Variants in KIAA0586 observed in about 807,000 individuals in gnomAD.
KIAA0586 encodes KIAA0586, also known as protein TALPID3.
In KIAA0586, 144 loss-of-function variants were observed where a neutral mutation model predicts 169.8. The observed-to-expected ratio is 0.85, with a 90% CI of 0.74 to 0.97. KIAA0586 has a LOEUF of 0.97. KIAA0586 is among the 50% of genes least tolerant of loss of function. The probability of loss-of-function intolerance (pLI) is 0.00; values close to 1 mark genes in which losing one functional copy is unlikely to be tolerated. For synonymous variants in KIAA0586, 625 were observed against 612.4 expected, an observed-to-expected ratio of 1.02 and a Z score of -0.30; for missense variants, 1,854 against 1,823.0, an observed-to-expected ratio of 1.02 and a Z score of -0.31.
the KIAA0586 span, among the ~76,000 whole-genome samples, chr14:58,560,157 A>AAG: frequency 6.6e-6 from 1 of 151,834 alleles, no homozygotes; most frequent in African/African-American, 2.4e-5. Context: ...TCTCAAAAAA[A>AAG]AAAAAAAAAA....
At chr14:58,524,813 T>C (rs2045467396) in intron 29 of KIAA0586, among the ~76,000 whole-genome samples, 1 of 152,200 alleles carries the variant, frequency 6.6e-6, no homozygotes, top group Non-Finnish European at 1.5e-5. Flanking sequence ...CCTCCCAGGT[T>C]CAAGTGATTT....
intron 10 of KIAA0586, 89 bp from the exon 11 acceptor site, chr14:58,457,670 T>C (rs918965901): frequency 3.9e-6 from 3 of 763,454 alleles, no homozygotes; most frequent in East Asian, 2.7e-5. Flanking sequence ...ATTGGTATAA[T>C]GTATGGCCTC....
intron 21 of KIAA0586, among the ~76,000 whole-genome samples, chr14:58,484,928 T>A (rs1209646885): frequency 0.019 from 200 of 10,580 alleles, no homozygotes; most frequent in Non-Finnish European, 0.035. Flanking sequence ...ATATATATTT[T>A]TTTTTTTTTT....
At chr14:58,483,299 A>G (rs1228274086) in intron 21 of KIAA0586, among the ~76,000 whole-genome samples, 1 of 152,198 alleles carries the variant, frequency 6.6e-6, no homozygotes. Context: ...AGGGTCATTC[A>G]TATTTATTGA....
At chr14:58,529,895 TAGGA>T (rs770773240) in intron 29 of KIAA0586, among the ~76,000 whole-genome samples, 15 of 152,092 alleles carry the variant, frequency 9.9e-5, no homozygotes, top group Non-Finnish European at 1.5e-4. Context: ...CATATTCAAA[TAGGA>T]AGGGAGGAAG....
chr14:58,492,372 G>T (rs1041521452), intron 26 of KIAA0586, 97 bp downstream of exon 26: 37 of 1,087,342 alleles, frequency 3.4e-5, no homozygotes, highest in African/African-American at 2.4e-4. Flanking sequence ...TAGTATTTTG[G>T]TTTTTTCAAG....
At chr14:58,547,428 A>G (rs2047050807) in intron 30 of KIAA0586, among the ~76,000 whole-genome samples, 1 of 152,166 alleles carries the variant, frequency 6.6e-6, no homozygotes, top group Non-Finnish European at 1.5e-5. Flanking sequence ...TTTGAGTGGT[A>G]AAATAACTTG....
At chr14:58,428,912 A>ATAAC (rs1351760602) in intron 1 of KIAA0586, among the ~76,000 whole-genome samples, 1 of 152,200 alleles carries the variant, frequency 6.6e-6, no homozygotes, top group Non-Finnish European at 1.5e-5. Context: ...GAAAATAAGG[A>ATAAC]TAACATATGC....
intron 29 of KIAA0586, chr14:58,522,072 C>T (rs1286058170): frequency 5.1e-6 from 4 of 782,238 alleles, no homozygotes; most frequent in Admixed American, 3.8e-5. Flanking sequence ...TCACCAGATC[C>T]TCTCCCATGG....
chr14:58,546,299 T>C (rs2046978921), intron 30 of KIAA0586, among the ~76,000 whole-genome samples: 1 of 152,196 alleles, frequency 6.6e-6, no homozygotes, highest in African/African-American at 2.4e-5. Context: ...AAATAGTCTT[T>C]ATTAAATTTC....
At chr14:58,523,784 G>C (rs2045384864) in intron 29 of KIAA0586, among the ~76,000 whole-genome samples, 1 of 151,078 alleles carries the variant, frequency 6.6e-6, no homozygotes, top group African/African-American at 2.4e-5. Context: ...GGCTGGTCTT[G>C]AGCTCTTGGG....
Position 58,482,977 on chromosome 14 carries a change from G to A in KIAA0586, c.3144+265G>A, listed in dbSNP as rs77458553. 0.018 allele frequency among the ~76,000 whole-genome samples: 2,684 copies of A among 152,204 alleles called. 96 individuals are homozygous for A. Among genetic ancestry groups the A allele is most frequent in the African/African-American group, 0.061 (2,512 of 41,520 alleles). On this transcript the variant is annotated intron_variant, in intron 21 of 30. Coordinates refer to ENST00000652326, the MANE Select transcript of KIAA0586 (RefSeq NM_001329943.3). ...TCCTTGTTGCTATGATTAAAGTAAC[G>A]TTTCCCCCAGCATTTTATTTTAAAA... is the stretch of plus-strand genomic sequence containing the variant.
Position 58,488,035 on chromosome 14 carries a change from A to G in KIAA0586, c.3453A>G (p.Pro1151=), listed in dbSNP as rs1426853023. The part of the protein sequence containing the change: ...LKVSSPELPK[P]WGDGDLPLEE... ...TATCAAGCCCAGAGCTTCCCAAGCCATGGGGTGATGGAGACCTGCCACTGG... is the reference window on the plus strand; with the variant it reads ...TATCAAGCCCAGAGCTTCCCAAGCCGTGGGGTGATGGAGACCTGCCACTGG... The change falls in exon 23 of 31, where the codon CCA becomes CCG. Residue 1151 remains proline (P), a synonymous_variant. Transcript: ENST00000652326. The G allele has an allele frequency of 2.5e-6, 4 of 1,610,434 alleles. No individual in the cohort carries two copies. In the Admixed American group the frequency reaches 5.1e-5, roughly 20 times the overall value.
rs1161753385 is a variant in KIAA0586 at position 58,450,649 on chromosome 14, C to G, written c.1032C>G (p.Arg344=). The G allele has an allele frequency of 1.9e-6, 3 of 1,609,744 alleles. No individual in the cohort carries two copies. Among genetic ancestry groups the G allele is most frequent in the Non-Finnish European group, 2.6e-6 (3 of 1,176,134 alleles). Residue 344 remains arginine (R), a synonymous_variant, in exon 8 of 31, where the codon CGC becomes CGG. Transcript: ENST00000652326. ...QKSPLETPAP[R]RFAPVPVSRD... ...CTCCTTTGGAGACACCAGCACCTCGCAGATTTGCTCCTGTACCTGTTTCAA... is the reference window on the plus strand; with the variant it reads ...CTCCTTTGGAGACACCAGCACCTCGGAGATTTGCTCCTGTACCTGTTTCAA...
At chr14:58,557,655 G>GCCA in the KIAA0586 span, among the ~76,000 whole-genome samples, 6 of 151,962 alleles carry the variant, frequency 3.9e-5, no homozygotes, top group Admixed American at 1.3e-4. Context: ...GTACATTGTA[G>GCCA]CCACCAGACT....
intron 14 of KIAA0586, 144 bp from the exon 15 acceptor site, chr14:58,465,691 G>A: frequency 1.9e-6 from 1 of 517,490 alleles, no homozygotes; most frequent in Non-Finnish European, 3.3e-6. Context: ...GCTACCTCTG[G>A]TCTATATATT....
chr14:58,500,406 T>C (rs771331275), intron 27 of KIAA0586, among the ~76,000 whole-genome samples: 6 of 152,106 alleles, frequency 3.9e-5, no homozygotes, highest in Admixed American at 2.6e-4. Context: ...AGCCTTTTTG[T>C]GCTTAGAAAC....
intron 29 of KIAA0586, chr14:58,521,593 C>T: frequency 9.8e-7 from 1 of 1,015,968 alleles, no homozygotes; most frequent in Admixed American, 1.7e-5. Flanking sequence ...AAAGTGGCTT[C>T]AATTCTAAGA....
chr14:58,429,161 A>G (rs2037144511), intron 1 of KIAA0586, among the ~76,000 whole-genome samples: 1 of 152,186 alleles, frequency 6.6e-6, no homozygotes, highest in Non-Finnish European at 1.5e-5. Context: ...GTCAGTACCG[A>G]ACCTTATTTT....
Sources: allele counts gnomAD v4.1 joint callset (sites outside exome capture counted in the v4.1 genomes callset), GRCh38; gene constraint gnomAD v4.1.1; transcripts MANE v1.5; gene names NCBI Gene and HGNC (gene_info 2026-07-23, HGNC 2026-07-21).